CNTN5: variants seen among roughly 807,000 people sequenced by gnomAD.
CNTN5 encodes contactin 5, also known as contactin-5.
Under a neutral mutation model 129.1 loss-of-function variants are expected in CNTN5, and 77 were observed. The observed-to-expected ratio is 0.60, with a 90% CI of 0.50 to 0.72. The LOEUF is 0.72. Ranked by LOEUF, CNTN5 falls within the 30% of genes least tolerant of loss-of-function variation. CNTN5 has a pLI of 0.00. For synonymous variants in CNTN5, 509 were observed against 465.6 expected (o/e 1.09, Z -1.20); for missense variants, 1,478 against 1,328.8 (o/e 1.11, Z -1.75).
intron 2 of CNTN5, among the ~76,000 whole-genome samples, chr11:99,337,055 G>A (rs1457275852): frequency 6.6e-6 from 1 of 151,980 alleles, no homozygotes; most frequent in African/African-American, 2.4e-5. Context: ...AGCTAGAAGG[G>A]GAATCAGTGT....
At chr11:99,882,797 A>G (rs901737983) in intron 6 of CNTN5, among the ~76,000 whole-genome samples, 1 of 152,144 alleles carries the variant, frequency 6.6e-6, no homozygotes, top group Non-Finnish European at 1.5e-5. Flanking sequence ...TCAAATAGTA[A>G]GTCTTATTCA....
intron 7 of CNTN5, among the ~76,000 whole-genome samples, chr11:99,919,995 T>C (rs1949896384): frequency 6.6e-6 from 1 of 151,982 alleles, no homozygotes. Flanking sequence ...CTGCAATCTA[T>C]GTATGTGCAC....
chr11:99,921,362 T>C (rs1031884268), intron 7 of CNTN5, among the ~76,000 whole-genome samples: 2 of 152,210 alleles, frequency 1.3e-5, no homozygotes, highest in Admixed American at 6.5e-5. Flanking sequence ...AGCTCCTACC[T>C]TAAGGCCTTT....
chr11:99,653,549 C>T (rs1482193244), intron 3 of CNTN5, among the ~76,000 whole-genome samples: 1 of 151,964 alleles, frequency 6.6e-6, no homozygotes. Flanking sequence ...AAACGGAAGT[C>T]CTCAATCCGT....
At chr11:99,558,742 G>A (rs1948750239) in intron 3 of CNTN5, among the ~76,000 whole-genome samples, 1 of 151,972 alleles carries the variant, frequency 6.6e-6, no homozygotes, top group South Asian at 2.1e-4. Context: ...AAATAATTAG[G>A]AAGAGTTTGG....
chr11:99,111,332 G>A (rs1038745846), intron 1 of CNTN5, among the ~76,000 whole-genome samples: 2 of 151,768 alleles, frequency 1.3e-5, no homozygotes, highest in African/African-American at 4.8e-5. Flanking sequence ...GTATATCCTT[G>A]GGAGTAATAG....
At chr11:100,109,610 T>A (rs972744759) in intron 13 of CNTN5, among the ~76,000 whole-genome samples, 1 of 152,094 alleles carries the variant, frequency 6.6e-6, no homozygotes, top group African/African-American at 2.4e-5. Flanking sequence ...GAGAAAAAAA[T>A]TGTTCTTATT....
chr11:99,515,626 T>G (rs1051483856), intron 2 of CNTN5, among the ~76,000 whole-genome samples: 2 of 152,030 alleles, frequency 1.3e-5, no homozygotes, highest in Admixed American at 1.3e-4. Flanking sequence ...GTAAAAGCTT[T>G]GCCTTAATTG....
chr11:99,206,296 G>A (rs565904326), intron 1 of CNTN5, among the ~76,000 whole-genome samples: 28 of 152,150 alleles, frequency 1.8e-4, no homozygotes, highest in African/African-American at 6.7e-4. Context: ...GCTTTAGGAG[G>A]TATAAGAAAG....
chr11:99,040,537 A>C (rs1863945003), intron 1 of CNTN5, among the ~76,000 whole-genome samples: 1 of 152,148 alleles, frequency 6.6e-6, no homozygotes, highest in Non-Finnish European at 1.5e-5. Context: ...CACTTTGAAA[A>C]ACATGAGATA....
At chr11:100,083,272 G>T (rs1420739415) in intron 13 of CNTN5, among the ~76,000 whole-genome samples, 1 of 148,828 alleles carries the variant, frequency 6.7e-6, no homozygotes, top group African/African-American at 2.5e-5. Flanking sequence ...AGCTGATATT[G>T]TACCACTGTA....
At chr11:99,903,833 A>G (rs1382893089) in intron 6 of CNTN5, among the ~76,000 whole-genome samples, 2 of 152,194 alleles carry the variant, frequency 1.3e-5, no homozygotes, top group African/African-American at 2.4e-5. Flanking sequence ...AGAAAAACAA[A>G]TAATCTGATT....
intron 3 of CNTN5, among the ~76,000 whole-genome samples, chr11:99,559,414 G>A (rs916465470): frequency 9.9e-5 from 15 of 152,008 alleles, no homozygotes; most frequent in Non-Finnish European, 2.2e-4. Context: ...ACTCACTACA[G>A]GTAGTCATAA....
At chr11:99,256,983 T>C (rs1421825671) in intron 1 of CNTN5, among the ~76,000 whole-genome samples, 1 of 152,100 alleles carries the variant, frequency 6.6e-6, no homozygotes, top group East Asian at 1.9e-4. Flanking sequence ...CTAAGGAGGA[T>C]ACTAATAAAA....
At chr11:99,035,447 G>A (rs551656068) in intron 1 of CNTN5, among the ~76,000 whole-genome samples, 1 of 151,844 alleles carries the variant, frequency 6.6e-6, no homozygotes, top group African/African-American at 2.4e-5. Context: ...TATGAATCTG[G>A]GTGCTCCTGT....
At chr11:99,571,773 CTCT>C (rs1949182994) in intron 3 of CNTN5, among the ~76,000 whole-genome samples, 1 of 152,152 alleles carries the variant, frequency 6.6e-6, no homozygotes, top group South Asian at 2.1e-4. Context: ...TTTGGCCTGT[CTCT>C]TCTCTCATAT....
intron 2 of CNTN5, among the ~76,000 whole-genome samples, chr11:99,361,654 C>T (rs992506157): frequency 1.3e-5 from 2 of 151,998 alleles, no homozygotes; most frequent in Non-Finnish European, 2.9e-5. Context: ...TTTCTTTTTC[C>T]CCCAACATTT....
At chr11:99,957,079 T>G (rs1555166603) in intron 8 of CNTN5, 70 bp downstream of exon 8, 11 of 1,063,128 alleles carry the variant, frequency 1.0e-5, no homozygotes, top group East Asian at 2.9e-5. Flanking sequence ...TTAGTGTGTG[T>G]TTTTTTTTTA....
chr11:99,838,523 C>T (rs1947375980), intron 4 of CNTN5, among the ~76,000 whole-genome samples: 1 of 152,086 alleles, frequency 6.6e-6, no homozygotes, highest in South Asian at 2.1e-4. Flanking sequence ...AACAATCAAG[C>T]ATTTTCTCTT....
Sources: gnomAD v4.1 joint callset for allele counts (sites outside exome capture counted in the v4.1 genomes callset) on GRCh38, gnomAD v4.1.1 for gene constraint, MANE v1.5 for transcripts, NCBI Gene and HGNC (gene_info 2026-07-23, HGNC 2026-07-21) for gene names.